Variants in AGBL1 observed in about 807,000 individuals in gnomAD.
AGBL1 encodes cytosolic carboxypeptidase 4.
Under a neutral mutation model 118.9 loss-of-function variants are expected in AGBL1, and 130 were observed. The observed-to-expected ratio is 1.09, with a 90% CI of 0.95 to 1.26. The LOEUF (loss-of-function observed/expected upper bound fraction) is 1.26. AGBL1 is among the 50% of genes most tolerant of loss of function. AGBL1 has a pLI of 0.00. For missense variants in AGBL1, 1,584 were observed against 1,298.1 expected, an observed-to-expected ratio of 1.22 and a Z score of -3.38; for synonymous variants, 555 against 478.9, an observed-to-expected ratio of 1.16 and a Z score of -2.08.
At chr15:86,482,303 G>A (rs1013563050) in intron 18 of AGBL1, among the ~76,000 whole-genome samples, 1 of 152,102 alleles carries the variant, frequency 6.6e-6, no homozygotes, top group Admixed American at 6.6e-5. Flanking sequence ...GAGCTAGAGA[G>A]CACAAATGGT....
intron 21 of AGBL1, among the ~76,000 whole-genome samples, chr15:86,587,926 C>T (rs1308505705): frequency 2.6e-5 from 4 of 152,164 alleles, no homozygotes; most frequent in African/African-American, 4.8e-5. Context: ...CAACGACTCA[C>T]TATGAACCCA....
chr15:86,342,110 C>T (rs1215567113), intron 17 of AGBL1, among the ~76,000 whole-genome samples: 1 of 152,162 alleles, frequency 6.6e-6, no homozygotes, highest in African/African-American at 2.4e-5. Context: ...ATTTTGTTTT[C>T]TGCTCTGTAT....
intron 23 of AGBL1, among the ~76,000 whole-genome samples, chr15:86,964,057 T>TGTG (rs759840694): frequency 4.3e-4 from 57 of 132,434 alleles, no homozygotes; most frequent in Middle Eastern, 3.9e-3. Flanking sequence ...GTGTGTGTGT[T>TGTG]TGTGTGTGAC....
At chr15:86,698,107 G>A (rs971249895) in intron 22 of AGBL1, among the ~76,000 whole-genome samples, 3 of 151,852 alleles carry the variant, frequency 2.0e-5, no homozygotes, top group Admixed American at 6.6e-5. Flanking sequence ...CCTCCTATCC[G>A]CCATTTTTTC....
intron 22 of AGBL1, among the ~76,000 whole-genome samples, chr15:86,706,672 C>T (rs1385822474): frequency 6.6e-6 from 1 of 152,134 alleles, no homozygotes; most frequent in Non-Finnish European, 1.5e-5. Context: ...AGTTGCCTAA[C>T]ACCATGCTGT....
At chr15:86,917,844 G>A (rs1417541387), downstream of AGBL1, among the ~76,000 whole-genome samples, 1 of 149,308 alleles carries the variant, frequency 6.7e-6, no homozygotes. The surrounding 1 kb of genome is among the most constrained non-coding windows in gnomAD (Gnocchi z 4.8). Flanking sequence ...AGCAAAGAGG[G>A]CCTCAGAGAA....
rs118086539 is a variant in AGBL1 at position 86,226,727 on chromosome 15, C to T, written c.526+1776C>T. ...AGTAGGCTGAGTGTGCAGTGATGGG[C>T]CTCAGCTTTTAGAATTTCTAACTTC... On this transcript the variant is annotated intron_variant, in intron 6 of 22. Coordinates refer to ENST00000614907, the MANE Select transcript of AGBL1 (RefSeq NM_001386094.1). Among the ~76,000 whole-genome samples, 1,104 of 152,248 alleles carry T rather than the reference C, an allele frequency of 7.3e-3. 9 individuals carry two copies. Among genetic ancestry groups the T allele is most frequent in the Middle Eastern group, 0.014 (4 of 294 alleles).
intron 18 of AGBL1, among the ~76,000 whole-genome samples, chr15:86,488,513 C>T (rs991261091): frequency 5.9e-5 from 9 of 152,092 alleles, no homozygotes; most frequent in East Asian, 5.8e-4. Context: ...GACTCAGATG[C>T]GGTCCTAAGA....
chr15:86,554,065 G>A (rs75348821), intron 20 of AGBL1, among the ~76,000 whole-genome samples: 4,396 of 151,932 alleles, frequency 0.029, 99 homozygotes, highest in East Asian at 0.076. Flanking sequence ...TCACCATGAC[G>A]GCTAGGCTGG....
intron 6 of AGBL1, among the ~76,000 whole-genome samples, chr15:86,227,565 C>T (rs1405097150): frequency 2.0e-5 from 3 of 152,242 alleles, no homozygotes; most frequent in Non-Finnish European, 2.9e-5. Context: ...CAGACTCTGC[C>T]AAATATCCCC....
chr15:86,252,118 GA>G (rs1449077467), intron 7 of AGBL1, among the ~76,000 whole-genome samples: 2 of 152,170 alleles, frequency 1.3e-5, no homozygotes, highest in African/African-American at 4.8e-5. Flanking sequence ...CATTTCTAAC[GA>G]GTTCTCAGGT....
intron 18 of AGBL1, among the ~76,000 whole-genome samples, chr15:86,462,156 T>C (rs564572669): frequency 2.0e-5 from 3 of 152,226 alleles, no homozygotes; most frequent in African/African-American, 7.2e-5. Flanking sequence ...GAGATCTAGG[T>C]TGAAATTCTG....
At chr15:86,486,183 A>G (rs886376817) in intron 18 of AGBL1, among the ~76,000 whole-genome samples, 5 of 152,084 alleles carry the variant, frequency 3.3e-5, no homozygotes, top group African/African-American at 1.2e-4. Context: ...TTCTTAGCAC[A>G]ATGTTTGGCA....
chr15:86,527,682 C>T (rs2083285450), intron 19 of AGBL1, among the ~76,000 whole-genome samples: 1 of 152,070 alleles, frequency 6.6e-6, no homozygotes, highest in African/African-American at 2.4e-5. Flanking sequence ...ACTGGGAAGC[C>T]ACTTTATGGT....
intron 18 of AGBL1, among the ~76,000 whole-genome samples, chr15:86,483,775 CACAA>C (rs2082681369): frequency 2.6e-5 from 4 of 152,086 alleles, no homozygotes; most frequent in Admixed American, 2.0e-4. Flanking sequence ...GTTTTTGAGA[CACAA>C]ACATTTAGCT....
intron 23 of AGBL1, among the ~76,000 whole-genome samples, chr15:86,946,645 C>T (rs1238571912): frequency 4.6e-5 from 7 of 151,716 alleles, no homozygotes; most frequent in South Asian, 2.1e-4. Flanking sequence ...GTTGGGAGTT[C>T]GAGACCAGCC....
At chr15:86,774,761 G>T (rs565707209) in intron 22 of AGBL1, among the ~76,000 whole-genome samples, 2 of 152,144 alleles carry the variant, frequency 1.3e-5, no homozygotes, top group African/African-American at 4.8e-5. Context: ...ATCAAGGCCA[G>T]GAGACACAAG....
At chr15:86,898,809 T>C (rs1242603556) in intron 22 of AGBL1, among the ~76,000 whole-genome samples, 3 of 152,084 alleles carry the variant, frequency 2.0e-5, no homozygotes, top group African/African-American at 7.2e-5. Context: ...TCACTGATCA[T>C]TGAAGAAATG....
intron 21 of AGBL1, among the ~76,000 whole-genome samples, chr15:86,591,879 G>A (rs2084341892): frequency 6.6e-6 from 1 of 152,134 alleles, no homozygotes; most frequent in African/African-American, 2.4e-5. Context: ...CGGGTGACCA[G>A]CTGCCATCCT....
Sources: gnomAD v4.1 joint callset for allele counts (sites outside exome capture counted in the v4.1 genomes callset) on GRCh38, gnomAD v4.1.1 for gene constraint, Gnocchi (gnomAD v3.1) non-coding constraint, MANE v1.5 for transcripts, NCBI Gene and HGNC (gene_info 2026-07-23, HGNC 2026-07-21) for gene names.